Variants in TBC1D32 observed in about 807,000 individuals in gnomAD.
TBC1D32 encodes the protein protein broad-minded.
In TBC1D32, 151 loss-of-function variants were observed where a neutral mutation model predicts 170.3. The observed-to-expected ratio is 0.89, with a 90% CI of 0.78 to 1.01. The LOEUF is 1.01. Ranked by LOEUF, TBC1D32 falls within the 50% of genes least tolerant of loss-of-function variation. TBC1D32 has a pLI of 0.00. For missense variants in TBC1D32, 1,464 were observed against 1,457.1 expected (o/e 1.00, Z -0.08); for synonymous variants, 498 against 488.0 (o/e 1.02, Z -0.27).
intron 24 of TBC1D32, among the ~76,000 whole-genome samples, chr6:121,141,334 G>T (rs2128225879): frequency 6.6e-6 from 1 of 152,314 alleles, no homozygotes; most frequent in East Asian, 1.9e-4. Flanking sequence ...GGAAAAGGGA[G>T]TATCAAGAGC....
intron 21 of TBC1D32, among the ~76,000 whole-genome samples, chr6:121,220,079 C>G (rs755550730): frequency 6.6e-6 from 1 of 152,040 alleles, no homozygotes; most frequent in Non-Finnish European, 1.5e-5. Flanking sequence ...TTAAGATTAG[C>G]GCAATTAGTA....
chr6:121,181,391 C>T (rs1788490806), intron 22 of TBC1D32, among the ~76,000 whole-genome samples: 2 of 152,130 alleles, frequency 1.3e-5, no homozygotes, highest in South Asian at 4.2e-4. Flanking sequence ...TGGCACCTCC[C>T]ACTTCTCTCT....
intron 1 of TBC1D32, among the ~76,000 whole-genome samples, chr6:121,326,984 T>C (rs1810538658): frequency 6.6e-6 from 1 of 152,142 alleles, no homozygotes; most frequent in Admixed American, 6.6e-5. Flanking sequence ...CAACAATTAA[T>C]TTTATGTTGT....
chr6:121,318,475 G>A (rs1322583242), intron 2 of TBC1D32, among the ~76,000 whole-genome samples: 1 of 151,788 alleles, frequency 6.6e-6, no homozygotes, highest in Non-Finnish European at 1.5e-5. Context: ...TACAAATGAG[G>A]CATATGTGAC....
At chr6:121,190,073 GACACACACAC>G (rs533974518) in intron 22 of TBC1D32, among the ~76,000 whole-genome samples, 4,493 of 63,564 alleles carry the variant, frequency 0.071, 217 homozygotes, top group African/African-American at 0.12. Flanking sequence ...GCCCAATACA[GACACACACAC>G]ACACACACAC....
chr6:121,204,804 A>T (rs1389647176), intron 22 of TBC1D32, among the ~76,000 whole-genome samples: 1 of 151,748 alleles, frequency 6.6e-6, no homozygotes, highest in Non-Finnish European at 1.5e-5. Flanking sequence ...TCCTGAGTAC[A>T]CTAAATGAAA....
intron 12 of TBC1D32, among the ~76,000 whole-genome samples, chr6:121,289,870 C>G (rs139145989): frequency 0.033 from 4,980 of 152,074 alleles, 190 homozygotes; most frequent in East Asian, 0.12. Flanking sequence ...CTGATCTTTG[C>G]CAAACCTGAC....
chr6:121,080,624 C>A lies in TBC1D32; in HGVS notation c.*147G>T, dbSNP rs1050697315. ...AATGAATTCACAAATTGAGCTCATA[C>A]CTACTTAAATATATCGTTATACTTC... On this transcript the variant is annotated 3_prime_UTR_variant, in exon 32 of 32. Transcript: ENST00000398212. The A allele has an allele frequency of 4.0e-6, 4 of 1,011,868 alleles. No individual in the cohort carries two copies. The highest frequency in any genetic ancestry group is 3.2e-5 in the Admixed American group (1 of 30,874). 62.7% of individuals were successfully genotyped at this position (1,011,868 alleles called of 1,614,324 possible). A position where few individuals can be genotyped will look rare whatever the true frequency, so the allele number is the denominator to read the frequency against.
chr6:121,299,594 A>G, intron 9 of TBC1D32, 89 bp from the exon 10 acceptor site: 4 of 1,270,710 alleles, frequency 3.1e-6, no homozygotes, highest in Non-Finnish European at 4.3e-6. Context: ...CAACATCATA[A>G]ATCACACAAT....
chr6:121,203,799 C>A (rs935531752), intron 22 of TBC1D32, among the ~76,000 whole-genome samples: 2 of 151,186 alleles, frequency 1.3e-5, no homozygotes, highest in Non-Finnish European at 2.9e-5. Flanking sequence ...ACAGTAAATT[C>A]TTTACAGTAG....
intron 5 of TBC1D32, among the ~76,000 whole-genome samples, chr6:121,307,127 C>A (rs1359275262): frequency 6.6e-6 from 1 of 151,972 alleles, no homozygotes; most frequent in East Asian, 1.9e-4. Context: ...GTAATCCCAG[C>A]ACTTTGGGAG....
At chr6:121,308,190 G>A in intron 4 of TBC1D32, 89 bp from the exon 5 acceptor site, 1 of 1,225,818 alleles carries the variant, frequency 8.2e-7, no homozygotes. Context: ...CTACTAAAAG[G>A]TAAAGTCTGG....
At chr6:121,269,029 G>A (rs1800959451) in intron 15 of TBC1D32, among the ~76,000 whole-genome samples, 2 of 152,104 alleles carry the variant, frequency 1.3e-5, no homozygotes, top group South Asian at 2.1e-4. Flanking sequence ...AAAAGTGAAG[G>A]AGAAATCAAA....
At chr6:121,224,940 G>T (rs1417908455) in intron 20 of TBC1D32, among the ~76,000 whole-genome samples, 1 of 151,882 alleles carries the variant, frequency 6.6e-6, no homozygotes, top group African/African-American at 2.4e-5. Context: ...AATAATCCAT[G>T]ATTAAAAGCT....
intron 10 of TBC1D32, among the ~76,000 whole-genome samples, chr6:121,298,708 A>G (rs1302793262): frequency 1.3e-5 from 2 of 152,018 alleles, no homozygotes; most frequent in Non-Finnish European, 2.9e-5. Context: ...ACACACAACA[A>G]TTATTGTTCT....
intron 20 of TBC1D32, among the ~76,000 whole-genome samples, chr6:121,228,893 C>A (rs1305547743): frequency 6.6e-6 from 1 of 152,030 alleles, no homozygotes; most frequent in Non-Finnish European, 1.5e-5. Context: ...TATTTTAATA[C>A]TACATATATT....
chr6:121,255,519 T>TTTTATA (rs1798874074), intron 16 of TBC1D32, 109 bp from the exon 17 acceptor site: 1 of 73,590 alleles, frequency 1.4e-5, no homozygotes, highest in African/African-American at 8.1e-5. Context: ...TATAATTATA[T>TTTTATA]TTTATATTTC....
chr6:121,238,060 C>T (rs1371692748), intron 20 of TBC1D32, among the ~76,000 whole-genome samples: 2 of 152,114 alleles, frequency 1.3e-5, no homozygotes, highest in Non-Finnish European at 2.9e-5. Flanking sequence ...CTTTACAGTT[C>T]ACAGGCATAC....
At chr6:121,247,882 T>C (rs1009809336) in intron 17 of TBC1D32, among the ~76,000 whole-genome samples, 1 of 151,866 alleles carries the variant, frequency 6.6e-6, no homozygotes, top group African/African-American at 2.4e-5. Context: ...GAGACTTTAA[T>C]ACTCCACTGA....
Sources: allele counts gnomAD v4.1 joint callset (sites outside exome capture counted in the v4.1 genomes callset), GRCh38; gene constraint gnomAD v4.1.1; transcripts MANE v1.5; gene names NCBI Gene and HGNC (gene_info 2026-07-23, HGNC 2026-07-21).